ARPP21: variants seen among roughly 807,000 people sequenced by gnomAD.
The protein encoded by ARPP21 is cAMP-regulated phosphoprotein 21.
A neutral mutation model predicts 113.2 loss-of-function variants in ARPP21; 69 were observed. That is an observed-to-expected ratio of 0.61 (90% CI 0.50 to 0.74). The LOEUF (loss-of-function observed/expected upper bound fraction) is 0.74, where lower values mean the gene tolerates loss of function less well. ARPP21 is among the 30% of genes least tolerant of loss of function. The pLI, the probability that ARPP21 is intolerant of heterozygous loss-of-function variation, is 0.00. For missense variants in ARPP21, 1,070 were observed against 1,037.4 expected, an observed-to-expected ratio of 1.03 and a Z score of -0.43; for synonymous variants, 368 against 375.5, an observed-to-expected ratio of 0.98 and a Z score of 0.23.
At chr3:35,663,353 GTC>G (rs1708686795) in intron 1 of ARPP21, among the ~76,000 whole-genome samples, 2 of 152,252 alleles carry the variant, frequency 1.3e-5, no homozygotes, top group East Asian at 3.9e-4. Flanking sequence ...ACAAATCAGA[GTC>G]TCTCCCACCT....
At chr3:35,672,259 A>T (rs1255729423) in intron 1 of ARPP21, among the ~76,000 whole-genome samples, 1 of 150,252 alleles carries the variant, frequency 6.7e-6, no homozygotes, top group Non-Finnish European at 1.5e-5. Context: ...AGGCCACAAA[A>T]TATTCTGGAC....
intron 9 of ARPP21, among the ~76,000 whole-genome samples, chr3:35,700,816 A>G (rs1428397704): frequency 1.3e-5 from 2 of 151,690 alleles, no homozygotes; most frequent in African/African-American, 4.8e-5. Context: ...ATACCACTGG[A>G]GCTTTTGAAA....
intron 8 of ARPP21, 44 bp downstream of exon 8, chr3:35,690,184 G>GTT (rs761905324): frequency 5.5e-6 from 5 of 911,340 alleles, no homozygotes; most frequent in Non-Finnish European, 7.4e-6. Context: ...ATGTATCCTA[G>GTT]TTTGGTATTG....
chr3:35,638,924 T>C (rs1697394750), upstream of ARPP21: 6 of 152,112 alleles, frequency 3.9e-5, no homozygotes, highest in Admixed American at 3.9e-4. Flanking sequence ...CGAGGTGTTA[T>C]TATTGTGGGA....
chr3:35,730,902 T>C (rs1408450992), intron 15 of ARPP21, among the ~76,000 whole-genome samples: 1 of 152,208 alleles, frequency 6.6e-6, no homozygotes, highest in African/African-American at 2.4e-5. Context: ...AATCATTTTA[T>C]TGAAAACCGT....
At chr3:35,714,420 A>G (rs2092012567) in intron 11 of ARPP21, among the ~76,000 whole-genome samples, 1 of 152,230 alleles carries the variant, frequency 6.6e-6, no homozygotes, top group Admixed American at 6.5e-5. Flanking sequence ...GGTTATTAAA[A>G]GGTTATTATT....
intron 19 of ARPP21, 22 bp downstream of exon 19, chr3:35,743,987 T>A: frequency 6.2e-7 from 1 of 1,613,820 alleles, no homozygotes; most frequent in Non-Finnish European, 8.5e-7. Context: ...CTGTTTCCCA[T>A]TTGCTTCTCA....
rs533650219 is a variant in ARPP21, at chr3:35,792,767, A to T, written c.2286+237A>T. Among the ~76,000 whole-genome samples the T allele has an allele frequency of 2.6e-5, 4 of 152,358 alleles. No individual in the cohort carries two copies. In the East Asian group the frequency reaches 7.7e-4, roughly 29 times the overall value. On this transcript the variant is annotated intron_variant, in intron 20 of 20. Transcript: ENST00000684406. The stretch of plus-strand genomic sequence containing the variant: ...TAAGTTTATTTCCATATAACTTCAT[A>T]TTCATGGAAGAAAATACATTAGTCT...
At chr3:35,727,700 C>T (rs756516218) in intron 14 of ARPP21, among the ~76,000 whole-genome samples, 40 of 152,114 alleles carry the variant, frequency 2.6e-4, no homozygotes, top group Non-Finnish European at 1.0e-4. Context: ...TTCTTGCAAC[C>T]TGTGATATTA....
At chr3:35,698,304 T>TA (rs1344377332) in intron 9 of ARPP21, among the ~76,000 whole-genome samples, 1 of 151,570 alleles carries the variant, frequency 6.6e-6, no homozygotes, top group Non-Finnish European at 1.5e-5. Context: ...ACTAGAAATA[T>TA]ACCGTAAGAA....
chr3:35,685,192 AT>A (rs2080188909), intron 5 of ARPP21: 1 of 985,270 alleles, frequency 1.0e-6, no homozygotes, highest in Non-Finnish European at 1.2e-6. Context: ...CCAGGAGGAA[AT>A]TTTTTAAGGG....
At position 35,653,624 on chromosome 3, in the gene ARPP21, G is replaced by T. The variant is rs536444748; in HGVS notation, c.-213+13226G>T. On this transcript the variant is annotated intron_variant, in intron 1 of 20. Coordinates refer to ENST00000684406, the MANE Select transcript of ARPP21 (RefSeq NM_001385562.1). Reference sequence around the variant, plus strand: ...GGAAGGGGGTAGGTTTGACATCATGGTGATCTAAATTTGAATTCCATCTCT... The same window carrying T: ...GGAAGGGGGTAGGTTTGACATCATGTTGATCTAAATTTGAATTCCATCTCT... Among the ~76,000 whole-genome samples the T allele has an allele frequency of 9.2e-5, 14 of 152,106 alleles. No individual in the cohort carries two copies. The South Asian group carries it at 2.9e-3, about 32-fold the overall frequency.
At chr3:35,695,782 A>T (rs954526289) in intron 9 of ARPP21, among the ~76,000 whole-genome samples, 1 of 151,496 alleles carries the variant, frequency 6.6e-6, no homozygotes, top group South Asian at 2.1e-4. Flanking sequence ...TTTTTTTAAC[A>T]TTTACTAAGA....
At position 35,743,938 on chromosome 3, in the gene ARPP21, C is replaced by A; in HGVS notation, c.2110C>A (p.Gln704Lys). The change falls in exon 19 of 21, where the codon CAG becomes AAG. Residue 704 changes from glutamine (Q) to lysine (K), a missense_variant. Physicochemically the swap from Gln to Lys is moderately conservative, Grantham distance 53. Transcript: ENST00000684406. ...PVQYNAQRSQ[Q>K]MPQAAQQAGY... ...TCAGTACAACGCTCAGAGGAGTCAA[C>A]AGATGCCACAGGCAGCACAGCAAGC... 23 of 1,614,132 alleles carry A rather than the reference C, an allele frequency of 1.4e-5. No individual in the cohort carries two copies. Among genetic ancestry groups the A allele is most frequent in the Non-Finnish European group, 1.9e-5 (22 of 1,179,966 alleles).
intron 19 of ARPP21, among the ~76,000 whole-genome samples, chr3:35,744,722 T>TA (rs1324519957): frequency 3.9e-5 from 6 of 152,168 alleles, no homozygotes; most frequent in African/African-American, 1.4e-4. Flanking sequence ...CTGCCTTCTG[T>TA]AAGTAGGTCA....
At chr3:35,682,502 TTTAAC>T (rs1231154660) in intron 3 of ARPP21, 1 of 218,294 alleles carries the variant, frequency 4.6e-6, no homozygotes. Flanking sequence ...TTGATTTTCT[TTTAAC>T]TAAACTACAG....
At chr3:35,671,958 G>T (rs1359849675) in intron 1 of ARPP21, among the ~76,000 whole-genome samples, 5 of 151,908 alleles carry the variant, frequency 3.3e-5, no homozygotes, top group Admixed American at 6.6e-5. Context: ...CAGTTCAAAG[G>T]TTCAGCACTC....
intron 1 of ARPP21, among the ~76,000 whole-genome samples, chr3:35,648,186 A>G (rs1559507791): frequency 1.3e-5 from 2 of 152,178 alleles, no homozygotes; most frequent in African/African-American, 4.8e-5. Context: ...TGCATAAGGA[A>G]CATGATGCTT....
intron 4 of ARPP21, among the ~76,000 whole-genome samples, chr3:35,683,500 T>TC (rs903041174): frequency 6.6e-6 from 1 of 151,778 alleles, no homozygotes; most frequent in Non-Finnish European, 1.5e-5. Flanking sequence ...AAAAGTATTT[T>TC]TTTTAATTTA....
Sources: allele counts gnomAD v4.1 joint callset (sites outside exome capture counted in the v4.1 genomes callset), GRCh38; gene constraint gnomAD v4.1.1; transcripts MANE v1.5; gene names NCBI Gene and HGNC (gene_info 2026-07-23, HGNC 2026-07-21).